Variants in DDX17 observed in about 807,000 individuals in gnomAD.
DDX17 encodes probable ATP-dependent RNA helicase DDX17.
A neutral mutation model predicts 80.8 loss-of-function variants in DDX17; 10 were observed. The observed-to-expected ratio is 0.12, with a 90% CI of 0.08 to 0.21. The LOEUF (loss-of-function observed/expected upper bound fraction) is 0.21. Ranked by LOEUF, DDX17 falls within the 10% of genes least tolerant of loss-of-function variation. The pLI is 1.00. For synonymous variants in DDX17, 339 were observed against 336.2 expected, an observed-to-expected ratio of 1.01 and a Z score of -0.09; for missense variants, 586 against 957.4, an observed-to-expected ratio of 0.61 and a Z score of 5.12.
chr22:38,487,082 C>G (rs2089667095), intron 12 of DDX17, among the ~76,000 whole-genome samples: 1 of 152,130 alleles, frequency 6.6e-6, no homozygotes, highest in Non-Finnish European at 1.5e-5. Flanking sequence ...GCAGGAGAAT[C>G]ACTTGAACCC....
At chr22:38,494,324 C>CA (rs2089740550) in intron 8 of DDX17, 193 bp from the exon 9 acceptor site, 1 of 590,058 alleles carries the variant, frequency 1.7e-6, no homozygotes, top group Admixed American at 3.3e-5. Flanking sequence ...ATCCTCACAG[C>CA]AAGTCTCATG....
chr22:38,487,989 C>A lies in DDX17; in HGVS notation c.1574G>T (p.Gly525Val). 1 of 1,614,158 alleles carries A rather than the reference C, an allele frequency of 6.2e-7. No homozygotes were observed. The highest frequency in any genetic ancestry group is 8.5e-7 in the Non-Finnish European group (1 of 1,180,030). Residue 525 changes from glycine (G) to valine (V), a missense_variant, in exon 12 of 13, where the codon GGG becomes GTG. Physicochemically the swap from Gly to Val is moderately radical, Grantham distance 109. Transcript: ENST00000403230. ...AAGCTCTCTGGCCTGTTTTAGGTTCCCTGGGGTGAAGAAGGTATAGGCGGT... is the reference window on the plus strand; with the variant it reads ...AAGCTCTCTGGCCTGTTTTAGGTTCACTGGGGTGAAGAAGGTATAGGCGGT...
At position 38,488,057 on chromosome 22, in the gene DDX17, A is replaced by G. The variant is rs2089677893; in HGVS notation, c.1506T>C (p.Tyr502=). ...GGGCTGTTCGGCCAATACGGTGCAC[A>G]TAATCCTCTGAGCTGTTTGGATAGT... Residue 502 remains tyrosine, a synonymous_variant, in exon 12 of 13, where the codon TAT becomes TAC. Coordinates refer to ENST00000403230, the MANE Select transcript of DDX17 (RefSeq NM_006386.5). 3 of 1,614,154 alleles carry G rather than the reference A, an allele frequency of 1.9e-6. No individual in the cohort carries two copies. Among genetic ancestry groups the G allele is most frequent in the African/African-American group, 2.7e-5 (2 of 74,954 alleles).
At chr22:38,491,822 T>G in intron 11 of DDX17, 1 of 390,184 alleles carries the variant, frequency 2.6e-6, no homozygotes, top group Non-Finnish European at 4.4e-6. Flanking sequence ...AGCCTGTTTG[T>G]TAGGAGCAGG....
In DDX17 at chr22:38,506,067, C is replaced by T; in HGVS notation, c.171G>A (p.Pro57=). 2 of 1,585,084 alleles carry T rather than the reference C, an allele frequency of 1.3e-6. No homozygotes were observed. Among genetic ancestry groups the T allele is most frequent in the South Asian group, 2.3e-5 (2 of 87,282 alleles). Residue 57 remains proline (P), a synonymous_variant, in exon 1 of 13, where the codon CCG becomes CCA. Transcript: ENST00000403230. ...CCGGGCTCGGGAGGGCCTGCGGCTCCGGTCTGGTGACGACCGATGGCGGCG... is the reference window on the plus strand; with the variant it reads ...CCGGGCTCGGGAGGGCCTGCGGCTCTGGTCTGGTGACGACCGATGGCGGCG...
intron 11 of DDX17, chr22:38,488,675 T>A: frequency 1.0e-6 from 1 of 988,050 alleles, no homozygotes; most frequent in African/African-American, 1.7e-5. Flanking sequence ...ACATTTAACT[T>A]TTTTTGCTCT....
chr22:38,505,726 C>T (rs2089874740), intron 1 of DDX17: 2 of 536,212 alleles, frequency 3.7e-6, no homozygotes, highest in South Asian at 5.3e-5. Context: ...GCCACGACGG[C>T]CGTCCGCACG....
At chr22:38,487,827 G>C in intron 12 of DDX17, 52 bp downstream of exon 12, 1 of 1,599,214 alleles carries the variant, frequency 6.3e-7, no homozygotes, top group East Asian at 2.2e-5. Context: ...GTCACAGAAG[G>C]CGTAAAGAGA....
chr22:38,495,893 C>G lies in DDX17; in HGVS notation c.783G>C (p.Gln261His). 6.2e-7 allele frequency: 1 copy of G among 1,609,180 alleles called. No homozygotes were observed. Among genetic ancestry groups the G allele is most frequent in the Non-Finnish European group, 8.5e-7 (1 of 1,178,456 alleles). The change falls in exon 6 of 13, where the codon CAG becomes CAC. Residue 261 changes from glutamine (Q) to histidine (H), a missense_variant. This residue lies in a region of DDX17 where 141 missense variants were observed against 379.3 expected (regional missense o/e 0.37). Transcript: ENST00000403230. ...ATTTGCCATAGTCATCGGCCACCTG[C>G]TGTACTTGCTGGGCAAGCTCTCTGG...
At position 38,489,720 on chromosome 22, in the gene DDX17, T is replaced by C. The variant is rs1235891107; in HGVS notation, c.1448-1605A>G. The C allele has an allele frequency of 2.0e-6, 2 of 985,144 alleles. No individual in the cohort carries two copies. The highest frequency in any genetic ancestry group is 4.7e-5 in the South Asian group (1 of 21,278). 61.0% of individuals were successfully genotyped at this position (985,144 alleles called of 1,614,324 possible). A position where few individuals can be genotyped will look rare whatever the true frequency, so the allele number is the denominator to read the frequency against. ...AGGCTCCTCGGTCTTTACTGACCCCTAAAGTCCTGAATCACACCAGAAAGA... is the reference window on the plus strand; with the variant it reads ...AGGCTCCTCGGTCTTTACTGACCCCCAAAGTCCTGAATCACACCAGAAAGA... On this transcript the variant is annotated intron_variant, in intron 11 of 12. Coordinates refer to ENST00000403230, the MANE Select transcript of DDX17 (RefSeq NM_006386.5). The surrounding 1 kb of genome is among the most constrained non-coding windows in gnomAD (Gnocchi z 4.6).
At position 38,498,274 on chromosome 22, in the gene DDX17, C is replaced by T. The variant is rs2145703656; in HGVS notation, c.673-124G>A. 2.2e-6 allele frequency: 3 copies of T among 1,378,612 alleles called. No homozygotes were observed. The African/African-American group carries it at 4.3e-5, about 20-fold the overall frequency. The allele number at this position is 1,378,612 out of a possible 1,614,324, so 85.4% of individuals were successfully genotyped here. ...AAACAGAACTTACCACTGCTATATA[C>T]AGGAAGCAATACAAATTTGAACATA... On this transcript the variant is annotated intron_variant, in intron 4 of 12. Transcript: ENST00000403230.
At chr22:38,487,134 C>A (rs2089667807) in intron 12 of DDX17, among the ~76,000 whole-genome samples, 1 of 152,122 alleles carries the variant, frequency 6.6e-6, no homozygotes, top group African/African-American at 2.4e-5. Flanking sequence ...TGCCACTGCA[C>A]TCCAGTCTGG....
At chr22:38,497,583 A>G (rs2089781873) in intron 5 of DDX17, among the ~76,000 whole-genome samples, 1 of 131,406 alleles carries the variant, frequency 7.6e-6, no homozygotes, top group African/African-American at 2.8e-5. Flanking sequence ...TCGCTACTGC[A>G]CTCCAGCCTG....
Position 38,483,785 on chromosome 22 carries a change from C to T in DDX17, c.*2150G>A, listed in dbSNP as rs141187672. The T allele has an allele frequency of 5.3e-5, 8 of 152,298 alleles. No individual in the cohort carries two copies. The East Asian group carries it at 1.3e-3, about 26-fold the overall frequency. 9.4% of individuals were successfully genotyped at this position (152,298 alleles called of 1,614,324 possible). A position where few individuals can be genotyped will look rare whatever the true frequency, so the allele number is the denominator to read the frequency against. On this transcript the variant is annotated 3_prime_UTR_variant, in exon 13 of 13. Coordinates refer to ENST00000403230, the MANE Select transcript of DDX17 (RefSeq NM_006386.5). ...CATGAATGCAATAACTAGCATAAAACGATTCTTCTGCTCATGTTCTGAAGC... is the reference window on the plus strand; with the variant it reads ...CATGAATGCAATAACTAGCATAAAATGATTCTTCTGCTCATGTTCTGAAGC...
chr22:38,502,649 G>C (rs1267442366), intron 1 of DDX17, among the ~76,000 whole-genome samples: 5 of 152,106 alleles, frequency 3.3e-5, no homozygotes, highest in African/African-American at 4.8e-5. Flanking sequence ...ATGACCACTA[G>C]CCAAAGCTAA....
intron 3 of DDX17, 22 bp from the exon 4 acceptor site, chr22:38,498,595 C>A: frequency 6.2e-7 from 1 of 1,611,982 alleles, no homozygotes; most frequent in Non-Finnish European, 8.5e-7. Context: ...TTTTATTTTG[C>A]GTATTTTATT....
intron 11 of DDX17, 165 bp from the exon 12 acceptor site, chr22:38,488,280 A>G (rs1455827469): frequency 6.6e-7 from 1 of 1,522,018 alleles, no homozygotes; most frequent in South Asian, 1.3e-5. Flanking sequence ...ACTCATCCCA[A>G]CAGAGTAAAA....
rs141005559 is a variant in DDX17, at chr22:38,501,481, A to G, written c.288-201T>C. 2.6e-5 allele frequency among the ~76,000 whole-genome samples: 4 copies of G among 152,344 alleles called. No individual in the cohort carries two copies. The East Asian group carries it at 7.7e-4, about 29-fold the overall frequency. On this transcript the variant is annotated intron_variant, in intron 1 of 12. Coordinates refer to ENST00000403230, the MANE Select transcript of DDX17 (RefSeq NM_006386.5). ...ACCCAACAATAAATACTGTTTATGA[A>G]TATAGCTACAATAGGCAAAAAATTA...
intron 11 of DDX17, chr22:38,491,570 C>T (rs553922899): frequency 6.5e-6 from 1 of 152,698 alleles, no homozygotes; most frequent in African/African-American, 2.4e-5. Flanking sequence ...TATTCTGATA[C>T]TGCATTAGAC....
Sources: allele counts gnomAD v4.1 joint callset (sites outside exome capture counted in the v4.1 genomes callset), GRCh38; gene constraint gnomAD v4.1.1; regional missense constraint gnomAD v4.1.1; non-coding constraint Gnocchi (gnomAD v3.1); transcripts MANE v1.5; gene names NCBI Gene and HGNC (gene_info 2026-07-23, HGNC 2026-07-21).